GRIK4: variants seen among roughly 807,000 people sequenced by gnomAD.
The protein encoded by GRIK4 is glutamate ionotropic receptor kainate type subunit 4, also known as glutamate receptor ionotropic, kainate 4.
Under a neutral mutation model 104.9 loss-of-function variants are expected in GRIK4, and 40 were observed. The observed-to-expected ratio is 0.38, with a 90% CI of 0.30 to 0.50. The LOEUF is 0.50. Ranked by LOEUF, GRIK4 falls within the 20% of genes least tolerant of loss-of-function variation. The probability of loss-of-function intolerance (pLI) is 0.93; values close to 1 mark genes in which losing one functional copy is unlikely to be tolerated. For synonymous variants in GRIK4, 485 were observed against 524.9 expected (o/e 0.92, Z 1.04); for missense variants, 1,047 against 1,308.1 (o/e 0.80, Z 3.08).
chr11:120,552,893 G>C (rs182896011), intron 1 of GRIK4, among the ~76,000 whole-genome samples: 3 of 151,976 alleles, frequency 2.0e-5, no homozygotes, highest in Admixed American at 6.6e-5. Flanking sequence ...CCAGCTACTC[G>C]GGAGGCTGAG....
chr11:120,572,531 G>A (rs1274805533), intron 1 of GRIK4, among the ~76,000 whole-genome samples: 1 of 152,110 alleles, frequency 6.6e-6, no homozygotes, highest in Non-Finnish European at 1.5e-5. Flanking sequence ...GGGAAGATTT[G>A]CCTGGCCTGC....
chr11:120,961,480 A>G (rs1239609135), intron 17 of GRIK4, among the ~76,000 whole-genome samples: 1 of 152,222 alleles, frequency 6.6e-6, no homozygotes, highest in Non-Finnish European at 1.5e-5. Flanking sequence ...AGTGATTTAA[A>G]TCGTATAGGT....
At chr11:120,920,743 A>G (rs1258108873) in intron 13 of GRIK4, among the ~76,000 whole-genome samples, 2 of 152,222 alleles carry the variant, frequency 1.3e-5, no homozygotes, top group Non-Finnish European at 2.9e-5. Flanking sequence ...GTTGGAAGCC[A>G]GGGTCTGTCC....
At chr11:120,660,442 C>G in intron 3 of GRIK4, 42 bp downstream of exon 3, 1 of 1,446,964 alleles carries the variant, frequency 6.9e-7, no homozygotes, top group African/African-American at 1.4e-5. Flanking sequence ...CACCCACTAT[C>G]CCAGGTGTCC....
At chr11:120,928,852 G>A (rs1943411642) in intron 13 of GRIK4, among the ~76,000 whole-genome samples, 1 of 152,320 alleles carries the variant, frequency 6.6e-6, no homozygotes, top group South Asian at 2.1e-4. Flanking sequence ...TCCCAGGAAT[G>A]CTAATGCTCC....
chr11:120,714,441 A>C (rs1431785437), intron 3 of GRIK4, among the ~76,000 whole-genome samples: 2 of 152,238 alleles, frequency 1.3e-5, no homozygotes, highest in Non-Finnish European at 2.9e-5. Flanking sequence ...ACTGTGTGCC[A>C]GGCACTGAGC....
chr11:120,844,132 A>C (rs190574360), intron 8 of GRIK4, among the ~76,000 whole-genome samples: 14 of 152,316 alleles, frequency 9.2e-5, no homozygotes, highest in African/African-American at 3.1e-4. Context: ...ATTATTACAG[A>C]AAGGGGACCC....
intron 18 of GRIK4, 126 bp downstream of exon 18, chr11:120,962,807 A>T: frequency 1.7e-6 from 1 of 577,400 alleles, no homozygotes. Context: ...CAGTGACTTT[A>T]CGTGGGCATT....
chr11:120,967,332 G>A lies in GRIK4; in HGVS notation c.2395+9G>A, dbSNP rs202168198. ...AGATCACAGAGCTAAAGGTAAGGAC[G>A]TTCAGGGCCATCCTCCTCCTGCCCT... On this transcript the variant is annotated intron_variant, in intron 19 of 20. Coordinates refer to ENST00000527524, the MANE Select transcript of GRIK4 (RefSeq NM_014619.5). The surrounding 1 kb of genome is among the most constrained non-coding windows in gnomAD (Gnocchi z 4.2). 61 of 1,606,130 alleles carry A rather than the reference G, an allele frequency of 3.8e-5. No homozygotes were observed. The highest frequency in any genetic ancestry group is 2.1e-4 in the African/African-American group (16 of 74,714).
chr11:120,743,451 G>C (rs1823745029), intron 3 of GRIK4, among the ~76,000 whole-genome samples: 1 of 152,120 alleles, frequency 6.6e-6, no homozygotes, highest in Non-Finnish European at 1.5e-5. Context: ...AGGGAGAGGA[G>C]TGGAAAAGAT....
intron 13 of GRIK4, among the ~76,000 whole-genome samples, chr11:120,914,833 G>A (rs117391362): frequency 0.037 from 5,582 of 152,286 alleles, 137 homozygotes; most frequent in South Asian, 0.069. Flanking sequence ...CAGATGAGAG[G>A]GGGACGGATT....
chr11:120,784,377 C>T (rs1021037974), intron 3 of GRIK4, among the ~76,000 whole-genome samples: 3 of 152,082 alleles, frequency 2.0e-5, no homozygotes, highest in Non-Finnish European at 4.4e-5. Context: ...AAGTAATGGC[C>T]CTCCAGATTT....
intron 8 of GRIK4, among the ~76,000 whole-genome samples, chr11:120,851,557 TATC>T (rs1448884024): frequency 4.6e-5 from 7 of 152,210 alleles, no homozygotes; most frequent in African/African-American, 1.7e-4. Context: ...GGAGTGTGCT[TATC>T]ATTCTATTTC....
intron 3 of GRIK4, among the ~76,000 whole-genome samples, chr11:120,747,109 AC>A: frequency 6.6e-6 from 1 of 152,224 alleles, no homozygotes; most frequent in South Asian, 2.1e-4. Flanking sequence ...CTGTCGCCAA[AC>A]TCTCACAATT....
intron 3 of GRIK4, among the ~76,000 whole-genome samples, chr11:120,682,066 A>G (rs988502250): frequency 2.0e-5 from 3 of 152,236 alleles, no homozygotes; most frequent in African/African-American, 7.2e-5. Context: ...ATGTCAAGAT[A>G]AAAACAGCCC....
intron 1 of GRIK4, among the ~76,000 whole-genome samples, chr11:120,579,306 G>C (rs1948533385): frequency 6.6e-6 from 1 of 152,014 alleles, no homozygotes; most frequent in African/African-American, 2.4e-5. Flanking sequence ...GAACTGAGGA[G>C]ACCACACTTA....
intron 3 of GRIK4, among the ~76,000 whole-genome samples, chr11:120,671,404 G>C (rs191799226): frequency 6.6e-6 from 1 of 152,164 alleles, no homozygotes; most frequent in African/African-American, 2.4e-5. Context: ...TCTAACTGGC[G>C]TGAGATGATA....
At position 120,940,709 on chromosome 11, in the gene GRIK4, A is replaced by G. The variant is rs1199721850; in HGVS notation, c.1590+249A>G. Among the ~76,000 whole-genome samples, 2 of 152,208 alleles carry G rather than the reference A, an allele frequency of 1.3e-5. No individual in the cohort carries two copies. Among genetic ancestry groups the G allele is most frequent in the Non-Finnish European group, 1.5e-5 (1 of 68,028 alleles). On this transcript the variant is annotated intron_variant, in intron 14 of 20. Coordinates refer to ENST00000527524, the MANE Select transcript of GRIK4 (RefSeq NM_014619.5). This position sits in a 1 kb window ranked among gnomAD's most constrained non-coding sequence, Gnocchi z 4.3. ...TGAATAGCGATGACCAAGAATGGTC[A>G]TTCAATACTTGGTGGATCCTGTGTT...
At chr11:120,656,015 G>A (rs1315307020) in intron 2 of GRIK4, among the ~76,000 whole-genome samples, 1 of 152,194 alleles carries the variant, frequency 6.6e-6, no homozygotes, top group African/African-American at 2.4e-5. Context: ...ACCATGGGCA[G>A]GGGAGAAACC....
Sources: gnomAD v4.1 joint callset for allele counts (sites outside exome capture counted in the v4.1 genomes callset) on GRCh38, gnomAD v4.1.1 for gene constraint, Gnocchi (gnomAD v3.1) non-coding constraint, MANE v1.5 for transcripts, NCBI Gene and HGNC (gene_info 2026-07-23, HGNC 2026-07-21) for gene names.